Variants in BAZ2B observed in about 807,000 individuals in gnomAD.
BAZ2B encodes the protein bromodomain adjacent to zinc finger domain protein 2B.
A neutral mutation model predicts 246.0 loss-of-function variants in BAZ2B; 91 were observed. That is an observed-to-expected ratio of 0.37 (90% confidence interval 0.31 to 0.44). The LOEUF (loss-of-function observed/expected upper bound fraction) is 0.44, where lower values mean the gene tolerates loss of function less well. Among genes scored for constraint, BAZ2B ranks in the 20% least tolerant of loss-of-function variants. The pLI, the probability that BAZ2B is intolerant of heterozygous loss-of-function variation, is 1.00. For missense variants in BAZ2B, 2,332 were observed against 2,533.7 expected (o/e 0.92, Z 1.71); for synonymous variants, 855 against 860.0 (o/e 0.99, Z 0.10).
chr2:159,521,648 T>G (rs892500101), intron 2 of BAZ2B, among the ~76,000 whole-genome samples: 3 of 152,122 alleles, frequency 2.0e-5, no homozygotes, highest in African/African-American at 7.2e-5. Flanking sequence ...TTAGAACTTA[T>G]GGGTGAAGCA....
In BAZ2B at chr2:159,397,198, G is replaced by A. The variant is rs986875052; in HGVS notation, c.3009+147C>T. On this transcript the variant is annotated intron_variant, in intron 19 of 36. Coordinates refer to ENST00000392783, the MANE Select transcript of BAZ2B (RefSeq NM_013450.4). ...AAAAAGACACCAATACCAAAGCAAG[G>A]CAATAAACTGTAGGTTGAAGGAAAA... The A allele has an allele frequency of 3.1e-6, 4 of 1,273,702 alleles. No homozygotes were observed. In the African/African-American group the frequency reaches 4.6e-5, roughly 15 times the overall value. The allele number at this position is 1,273,702 out of a possible 1,614,324, so 78.9% of individuals were successfully genotyped here.
intron 10 of BAZ2B, among the ~76,000 whole-genome samples, chr2:159,429,877 A>T (rs1393650503): frequency 6.6e-6 from 1 of 152,210 alleles, no homozygotes; most frequent in Non-Finnish European, 1.5e-5. Context: ...AACTGACAAG[A>T]GGAGAGTGAA....
Position 159,453,667 on chromosome 2 carries a change from T to C in BAZ2B, c.280A>G (p.Thr94Ala). Residue 94 changes from threonine (T) to alanine (A), a missense_variant, in exon 4 of 37, where the codon ACA becomes GCA. Physicochemically the swap from Thr to Ala is moderately conservative, Grantham distance 58. Transcript: ENST00000392783. ...GCTAAGGCTGTGGGTGTACCAAGTG[T>C]CCCCAAACCACCAAATTCTGAATGC... ...SGHSEFGGLG[T>A]LGTPTALAAH... The C allele has an allele frequency of 6.2e-7, 1 of 1,613,306 alleles. No individual in the cohort carries two copies. The highest frequency in any genetic ancestry group is 8.5e-7 in the Non-Finnish European group (1 of 1,179,642).
At chr2:159,472,897 T>C (rs954605601) in intron 3 of BAZ2B, among the ~76,000 whole-genome samples, 41 of 152,240 alleles carry the variant, frequency 2.7e-4, no homozygotes, top group Non-Finnish European at 2.9e-5. Flanking sequence ...CAGTATTTTA[T>C]TGAGGATTTT....
chr2:159,409,290 AT>A (rs991153502), intron 14 of BAZ2B, among the ~76,000 whole-genome samples: 2 of 152,204 alleles, frequency 1.3e-5, no homozygotes, highest in African/African-American at 4.8e-5. Context: ...CTTAGTGTAC[AT>A]CTTAAAATAA....
the BAZ2B span, among the ~76,000 whole-genome samples, chr2:159,628,786 G>C: frequency 2.0e-5 from 3 of 152,082 alleles, no homozygotes; most frequent in Non-Finnish European, 4.4e-5. Flanking sequence ...TAAAACACCA[G>C]AAGTAATGGC....
chr2:159,598,350 A>G (rs1691268146), intron 1 of BAZ2B, among the ~76,000 whole-genome samples: 1 of 152,172 alleles, frequency 6.6e-6, no homozygotes, highest in Non-Finnish European at 1.5e-5. Context: ...TTTACTTGAT[A>G]TGTTACTCTC....
chr2:159,420,403 T>C (rs978834482), intron 13 of BAZ2B, among the ~76,000 whole-genome samples: 1 of 152,226 alleles, frequency 6.6e-6, no homozygotes, highest in African/African-American at 2.4e-5. Context: ...TTTTTCTAAA[T>C]GCAACATCTC....
At chr2:159,529,738 C>T (rs780482089) in intron 2 of BAZ2B, among the ~76,000 whole-genome samples, 4 of 152,108 alleles carry the variant, frequency 2.6e-5, no homozygotes, top group Admixed American at 6.5e-5. Context: ...AGTGCAGAGT[C>T]GCTGTTGTTT....
the BAZ2B span, among the ~76,000 whole-genome samples, chr2:159,630,452 T>G: frequency 6.6e-6 from 1 of 152,046 alleles, no homozygotes; most frequent in Non-Finnish European, 1.5e-5. Flanking sequence ...ACACAACAAC[T>G]AAAACACACT....
chr2:159,623,270 T>C, the BAZ2B span, among the ~76,000 whole-genome samples: 1 of 151,728 alleles, frequency 6.6e-6, no homozygotes, highest in African/African-American at 2.4e-5. Flanking sequence ...CTTGGGAGGT[T>C]AACATAAGAA....
In BAZ2B at chr2:159,375,225, C is replaced by G. The variant is rs559764120; in HGVS notation, c.4006-472G>C. On this transcript the variant is annotated intron_variant, in intron 25 of 36. Coordinates refer to ENST00000392783, the MANE Select transcript of BAZ2B (RefSeq NM_013450.4). ...AAGAAACAAAACAAAACATAGCAAACCACACACACACAATAAACTCCCCCA... is the reference window on the plus strand; with the variant it reads ...AAGAAACAAAACAAAACATAGCAAAGCACACACACACAATAAACTCCCCCA... Among the ~76,000 whole-genome samples the G allele has an allele frequency of 3.3e-5, 5 of 151,902 alleles. No homozygotes were observed. In the South Asian group the frequency reaches 1.0e-3, roughly 32 times the overall value.
chr2:159,508,789 T>A (rs1577929405), intron 2 of BAZ2B, among the ~76,000 whole-genome samples: 1 of 152,222 alleles, frequency 6.6e-6, no homozygotes, highest in East Asian at 1.9e-4. Context: ...AATAATATTG[T>A]CATCAGGATG....
chr2:159,478,554 G>T, intron 3 of BAZ2B, 21 bp downstream of exon 3: 2 of 1,569,698 alleles, frequency 1.3e-6, no homozygotes, highest in South Asian at 2.4e-5. Context: ...TTCTAAAATT[G>T]AGTTAAAAAA....
chr2:159,363,243 C>T (rs909767241), intron 27 of BAZ2B, among the ~76,000 whole-genome samples: 1 of 152,102 alleles, frequency 6.6e-6, no homozygotes, highest in South Asian at 2.1e-4. Context: ...ATACGTATTA[C>T]CATTGGGGTG....
intron 36 of BAZ2B, 57 bp from the exon 37 acceptor site, chr2:159,320,475 CA>C: frequency 1.4e-6 from 2 of 1,409,228 alleles, no homozygotes; most frequent in Non-Finnish European, 1.9e-6. Flanking sequence ...GTTTTGTAAA[CA>C]AATGAAGAGT....
At chr2:159,404,359 A>G (rs1277760771) in intron 16 of BAZ2B, 2 of 150,122 alleles carry the variant, frequency 1.3e-5, no homozygotes, top group Non-Finnish European at 2.9e-5. Flanking sequence ...TTGCTAAAAT[A>G]ATGCTGTCAT....
intron 2 of BAZ2B, among the ~76,000 whole-genome samples, chr2:159,487,862 T>C (rs1018830380): frequency 3.3e-5 from 5 of 151,330 alleles, no homozygotes; most frequent in Non-Finnish European, 7.4e-5. Context: ...AAGATAAGAA[T>C]AATAGTGTTC....
chr2:159,512,876 T>C (rs781205253), intron 2 of BAZ2B, among the ~76,000 whole-genome samples: 1 of 152,170 alleles, frequency 6.6e-6, no homozygotes, highest in Non-Finnish European at 1.5e-5. Context: ...CCCAAGGGTA[T>C]GACTGTGTTA....
Sources: gnomAD v4.1 joint callset for allele counts (sites outside exome capture counted in the v4.1 genomes callset) on GRCh38, gnomAD v4.1.1 for gene constraint, MANE v1.5 for transcripts, NCBI Gene and HGNC (gene_info 2026-07-23, HGNC 2026-07-21) for gene names.